NXPH1: variants seen among roughly 807,000 people sequenced by gnomAD.
NXPH1 encodes neurexophilin-1.
NXPH1 carries 5 observed loss-of-function variants against 23.7 expected under a neutral mutation model. That is an observed-to-expected ratio of 0.21 (90% confidence interval 0.11 to 0.44). The LOEUF (loss-of-function observed/expected upper bound fraction) is 0.44. Among genes scored for constraint, NXPH1 ranks in the 20% least tolerant of loss-of-function variants. The pLI is 0.99. For missense variants in NXPH1, 324 were observed against 321.6 expected, an observed-to-expected ratio of 1.01 and a Z score of -0.06; for synonymous variants, 144 against 122.2, an observed-to-expected ratio of 1.18 and a Z score of -1.18.
intron 2 of NXPH1, among the ~76,000 whole-genome samples, chr7:8,738,156 C>T (rs532278932): frequency 6.6e-6 from 1 of 152,300 alleles, no homozygotes; most frequent in East Asian, 1.9e-4. Flanking sequence ...AACTCATTCT[C>T]CGTCCAGTTT....
In NXPH1 at chr7:8,435,553, GC is replaced by G; in HGVS notation, c.-110-49del. ...CCCCCTTTCCCCGCTTGATTGTCAA[GC>G]CTAACCTTGCCCGCGTAGTCATGGG... is the stretch of plus-strand genomic sequence containing the variant. On this transcript the variant is annotated intron_variant, in intron 1 of 2. Transcript: ENST00000405863. The surrounding 1 kb of genome is among the most constrained non-coding windows in gnomAD (Gnocchi z 5.9). The G allele has an allele frequency of 1.5e-6, 1 of 656,334 alleles. No homozygotes were observed. The highest frequency in any genetic ancestry group is 2.8e-6 in the Non-Finnish European group (1 of 358,720). The allele number at this position is 656,334 out of a possible 1,614,324, so 40.7% of individuals were successfully genotyped here.
At chr7:8,655,165 G>T (rs1820553498) in intron 2 of NXPH1, among the ~76,000 whole-genome samples, 1 of 152,020 alleles carries the variant, frequency 6.6e-6, no homozygotes, top group Admixed American at 6.6e-5. Context: ...TAGGTGGATT[G>T]CTTGAAGCCA....
chr7:8,539,030 G>T (rs984021316), intron 2 of NXPH1, among the ~76,000 whole-genome samples: 8 of 151,902 alleles, frequency 5.3e-5, no homozygotes, highest in Admixed American at 3.9e-4. Context: ...GCTAGTAAAA[G>T]AAATGTCATC....
intron 2 of NXPH1, among the ~76,000 whole-genome samples, chr7:8,440,433 A>C (rs1816278323): frequency 6.6e-6 from 1 of 152,194 alleles, no homozygotes; most frequent in Non-Finnish European, 1.5e-5. Flanking sequence ...GAAAGCCATT[A>C]AATTCGTGGC....
chr7:8,534,538 T>C (rs1817998292), intron 2 of NXPH1, among the ~76,000 whole-genome samples: 1 of 152,140 alleles, frequency 6.6e-6, no homozygotes, highest in Non-Finnish European at 1.5e-5. Context: ...TGAAGGTATT[T>C]CATATCTCAT....
At chr7:8,582,412 G>A (rs868740830) in intron 2 of NXPH1, among the ~76,000 whole-genome samples, 1 of 152,184 alleles carries the variant, frequency 6.6e-6, no homozygotes, top group Non-Finnish European at 1.5e-5. Flanking sequence ...ACTGGAGGGC[G>A]AGCAAGGTGG....
chr7:8,578,041 ATT>A (rs1011177167), intron 2 of NXPH1, among the ~76,000 whole-genome samples: 1 of 151,956 alleles, frequency 6.6e-6, no homozygotes, highest in African/African-American at 2.4e-5. Flanking sequence ...CTACTTTTAC[ATT>A]TTTTCCCCAT....
At chr7:8,570,355 T>C (rs1818621187) in intron 2 of NXPH1, among the ~76,000 whole-genome samples, 1 of 151,944 alleles carries the variant, frequency 6.6e-6, no homozygotes, top group Non-Finnish European at 1.5e-5. Flanking sequence ...ATAAGCTGCG[T>C]GATCCTGGGC....
At chr7:8,457,652 T>C (rs1286044984) in intron 2 of NXPH1, among the ~76,000 whole-genome samples, 1 of 151,978 alleles carries the variant, frequency 6.6e-6, no homozygotes, top group Non-Finnish European at 1.5e-5. Flanking sequence ...CATTCTCCCA[T>C]TGTTCATACT....
At chr7:8,485,179 GTC>G (rs1188883023) in intron 2 of NXPH1, among the ~76,000 whole-genome samples, 4 of 152,156 alleles carry the variant, frequency 2.6e-5, no homozygotes, top group Non-Finnish European at 5.9e-5. Flanking sequence ...TAGTGAATGA[GTC>G]TCATGAAATT....
intron 2 of NXPH1, among the ~76,000 whole-genome samples, chr7:8,695,086 A>C (rs1821285171): frequency 6.6e-6 from 1 of 152,240 alleles, no homozygotes; most frequent in Non-Finnish European, 1.5e-5. Context: ...AAAAAACATG[A>C]AATATTCATT....
At chr7:8,441,678 A>C (rs975552017) in intron 2 of NXPH1, among the ~76,000 whole-genome samples, 1 of 152,170 alleles carries the variant, frequency 6.6e-6, no homozygotes, top group Non-Finnish European at 1.5e-5. Context: ...CTCAATTACT[A>C]TGCAAGCTTT....
At chr7:8,742,411 G>A (rs905741707) in intron 2 of NXPH1, among the ~76,000 whole-genome samples, 6 of 151,942 alleles carry the variant, frequency 3.9e-5, no homozygotes, top group East Asian at 3.9e-4. Context: ...CACACAAAAC[G>A]TATATAAAAT....
intron 2 of NXPH1, among the ~76,000 whole-genome samples, chr7:8,734,824 AAGTCTCTTTGT>A (rs1473380776): frequency 6.6e-6 from 1 of 152,020 alleles, no homozygotes. Flanking sequence ...GTGGAAGTCT[AAGTCTCTTTGT>A]AGTTCTCCTT....
chr7:8,525,818 A>G (rs12673079), intron 2 of NXPH1, among the ~76,000 whole-genome samples: 36,590 of 152,164 alleles, frequency 0.24, 4,492 homozygotes, highest in East Asian at 0.31. Flanking sequence ...CAGAATGTGT[A>G]TGGAAATGTC....
At chr7:8,679,892 G>T (rs1042363886) in intron 2 of NXPH1, among the ~76,000 whole-genome samples, 1 of 152,210 alleles carries the variant, frequency 6.6e-6, no homozygotes, top group South Asian at 2.1e-4. Flanking sequence ...GTGGTGGCGC[G>T]TGCCTGTAAT....
At chr7:8,539,066 G>A (rs922717785) in intron 2 of NXPH1, among the ~76,000 whole-genome samples, 4 of 151,748 alleles carry the variant, frequency 2.6e-5, no homozygotes, top group African/African-American at 2.4e-5. Context: ...GCTCAACAGC[G>A]AACAATATTA....
chr7:8,451,077 G>C lies in NXPH1; in HGVS notation c.54+15310G>C, dbSNP rs1038845099. Among the ~76,000 whole-genome samples the C allele has an allele frequency of 3.3e-4, 49 of 148,616 alleles. 1 individual carries two copies. Among genetic ancestry groups the C allele is most frequent in the African/African-American group, 1.0e-3 (42 of 40,360 alleles). On this transcript the variant is annotated intron_variant, in intron 2 of 2. Coordinates refer to ENST00000405863, the MANE Select transcript of NXPH1 (RefSeq NM_152745.3). ...CTGGATGAACATCTGCACTGTGGAA[G>C]AATATGCATTTGAAAGATTTTGAGG...
chr7:8,567,026 C>T (rs751883975), intron 2 of NXPH1, among the ~76,000 whole-genome samples: 9 of 151,768 alleles, frequency 5.9e-5, no homozygotes, highest in Non-Finnish European at 1.0e-4. Context: ...CTCTCTTGAC[C>T]GTCTGCTTTA....
Sources: gnomAD v4.1 joint callset for allele counts (sites outside exome capture counted in the v4.1 genomes callset) on GRCh38, gnomAD v4.1.1 for gene constraint, Gnocchi (gnomAD v3.1) non-coding constraint, MANE v1.5 for transcripts, NCBI Gene and HGNC (gene_info 2026-07-23, HGNC 2026-07-21) for gene names.